The following ACACA variants were observed in gnomAD, a reference collection of about 807,000 sequenced individuals.
ACACA encodes the protein acetyl-CoA carboxylase 1.
In ACACA, 103 loss-of-function variants were observed where a neutral mutation model predicts 296.1. The ratio of observed to expected loss-of-function variants is 0.35; its 90% CI spans 0.30 to 0.41. The LOEUF (loss-of-function observed/expected upper bound fraction) is 0.41. Among genes scored for constraint, ACACA ranks in the 10% least tolerant of loss-of-function variants. The probability of loss-of-function intolerance (pLI) is 1.00; values close to 1 mark genes in which losing one functional copy is unlikely to be tolerated. For missense variants in ACACA, 1,554 were observed against 2,989.7 expected (o/e 0.52, Z 11.20); for synonymous variants, 953 against 1,038.6 (o/e 0.92, Z 1.58).
intron 36 of ACACA, 137 bp downstream of exon 36, chr17:37,193,237 A>G (rs2077836599): frequency 1.4e-6 from 1 of 691,856 alleles, no homozygotes; most frequent in Non-Finnish European, 2.5e-6. Flanking sequence ...TCTAAGACAC[A>G]TGTAAGGCAA....
chr17:37,343,218 T>C (rs1295343564), intron 1 of ACACA, among the ~76,000 whole-genome samples: 1 of 151,984 alleles, frequency 6.6e-6, no homozygotes, highest in Non-Finnish European at 1.5e-5. Flanking sequence ...TATCAGGTGA[T>C]CCACCTGCCT....
chr17:37,399,470 A>G (rs1025870323), intron 1 of ACACA, among the ~76,000 whole-genome samples: 6 of 152,188 alleles, frequency 3.9e-5, no homozygotes, highest in African/African-American at 1.4e-4. Context: ...ATAATTTAGG[A>G]GCCTGTTTTG....
At position 37,149,917 on chromosome 17, in the gene ACACA, T is replaced by C. The variant is rs1030043441; in HGVS notation, c.5626A>G (p.Ile1876Val). 6.2e-6 allele frequency: 10 copies of C among 1,614,134 alleles called. No individual in the cohort carries two copies. Among genetic ancestry groups the C allele is most frequent in the Non-Finnish European group, 7.6e-6 (9 of 1,180,044 alleles). The part of the protein sequence containing the change: ...AYLVRLGQRT[I>V]QVENSHLILT... ...ATTAAGTGAGAATTCTCAACCTGGA[T>C]GGTTCTCTGTCCCAGCCGGACAAGG... Residue 1876 changes from isoleucine (I) to valine (V), a missense_variant, in exon 45 of 56, where the codon ATC (isoleucine) becomes GTC (valine). Coordinates refer to ENST00000616317, the MANE Select transcript of ACACA (RefSeq NM_198834.3).
chr17:37,212,912 A>T (rs1327776650), intron 29 of ACACA, among the ~76,000 whole-genome samples: 2 of 151,894 alleles, frequency 1.3e-5, no homozygotes, highest in Non-Finnish European at 2.9e-5. Context: ...ACCAAAAAAA[A>T]AAAAAAGCCA....
intron 1 of ACACA, among the ~76,000 whole-genome samples, chr17:37,361,549 G>A (rs1476303544): frequency 2.6e-5 from 4 of 152,186 alleles, no homozygotes; most frequent in East Asian, 1.9e-4. Flanking sequence ...AGTAATTAAG[G>A]AAGGATGAGT....
At chr17:37,338,010 TGGCGTGAACCCAGGG>T (rs1303748283) in intron 2 of ACACA, among the ~76,000 whole-genome samples, 3 of 151,536 alleles carry the variant, frequency 2.0e-5, no homozygotes, top group African/African-American at 7.3e-5. Context: ...GGCAGGAGTA[TGGCGTGAACCCAGGG>T]GGCGGAGCTT....
Position 37,245,159 on chromosome 17 carries a change from A to G in ACACA, c.2516T>C (p.Val839Ala). 6.2e-7 allele frequency: 1 copy of G among 1,614,192 alleles called. No individual in the cohort carries two copies. The highest frequency in any genetic ancestry group is 8.5e-7 in the Non-Finnish European group (1 of 1,180,024). Residue 839 changes from valine (V) to alanine (A), a missense_variant, in exon 20 of 56, where the codon GTC becomes GCC. Val to Ala is a moderately conservative substitution (Grantham distance 64, BLOSUM62 0). Coordinates refer to ENST00000616317, the MANE Select transcript of ACACA (RefSeq NM_198834.3). ...GTCAAGAGCTGCTCCAGGTCGCTTG[A>G]CGTAATGGATACAGCCAGACTCCAC... is the stretch of plus-strand genomic sequence containing the variant. ...TAVESGCIHY[V>A]KRPGAALDPG...
chr17:37,384,880 G>A (rs1365056443), intron 1 of ACACA, among the ~76,000 whole-genome samples: 1 of 152,180 alleles, frequency 6.6e-6, no homozygotes, highest in East Asian at 1.9e-4. Context: ...AGACATGGAA[G>A]AGTAATTTAG....
chr17:37,270,591 C>A lies in ACACA; in HGVS notation c.1119+160G>T, dbSNP rs2302801. Among the ~76,000 whole-genome samples the A allele has an allele frequency of 5.9e-4, 90 of 152,250 alleles. 1 individual carries two copies. In the East Asian group the frequency reaches 0.012, roughly 21 times the overall value. Reference sequence around the variant, plus strand: ...GTTGGACATTTCATTAACCTTTTTTCTCTGCTAATATGCAGGTAGAAACTA... The same window carrying A: ...GTTGGACATTTCATTAACCTTTTTTATCTGCTAATATGCAGGTAGAAACTA... On this transcript the variant is annotated intron_variant, in intron 10 of 55. Coordinates refer to ENST00000616317, the MANE Select transcript of ACACA (RefSeq NM_198834.3).
rs745794412 is a variant in ACACA at position 37,216,125 on chromosome 17, AACACACAC to A, written c.3683+5591_3683+5598del. On this transcript the variant is annotated intron_variant, in intron 29 of 55. Coordinates refer to ENST00000616317, the MANE Select transcript of ACACA (RefSeq NM_198834.3). ...TTAATGCTAAGAAGGTAAAAAAGGA[AACACACAC>A]ACACACACACACACACACACACACA... Among the ~76,000 whole-genome samples, 73 of 124,568 alleles carry A rather than the reference AACACACAC, an allele frequency of 5.9e-4. 1 individual carries two copies. The highest frequency in any genetic ancestry group is 3.5e-3 in the Admixed American group (42 of 11,874). 81.7% of individuals were successfully genotyped at this position (124,568 alleles called of 152,430 possible). A position where few individuals can be genotyped will look rare whatever the true frequency, so the allele number is the denominator to read the frequency against.
chr17:37,175,943 C>T (rs563241158), intron 41 of ACACA, among the ~76,000 whole-genome samples: 3 of 152,326 alleles, frequency 2.0e-5, no homozygotes, highest in East Asian at 3.9e-4. Flanking sequence ...GCTCTAAACA[C>T]AGGCATAAAT....
chr17:37,363,929 C>A (rs1285571104), intron 1 of ACACA, among the ~76,000 whole-genome samples: 1 of 151,700 alleles, frequency 6.6e-6, no homozygotes, highest in African/African-American at 2.4e-5. Flanking sequence ...TCAAGACTAG[C>A]CTGGCCAATA....
chr17:37,308,076 A>G (rs2083964647), intron 3 of ACACA, among the ~76,000 whole-genome samples: 1 of 152,196 alleles, frequency 6.6e-6, no homozygotes, highest in Non-Finnish European at 1.5e-5. Flanking sequence ...AATAGACCAT[A>G]TACTAAGCCA....
intron 1 of ACACA, among the ~76,000 whole-genome samples, chr17:37,359,435 CG>C (rs1189544962): frequency 2.6e-5 from 4 of 151,766 alleles, no homozygotes; most frequent in Non-Finnish European, 5.9e-5. Flanking sequence ...GGGCCGCGGG[CG>C]GGCCCTGGGC....
At position 37,097,192 on chromosome 17, in the gene ACACA, G is replaced by C; in HGVS notation, c.6721-26C>G. The C allele has an allele frequency of 6.2e-7, 1 of 1,609,780 alleles. No homozygotes were observed. ...CTACATGCAGAGAAGAATAAACTTA[G>C]CCCAGTCCTAATTCCTGCTTAATGC... On this transcript the variant is annotated intron_variant, in intron 53 of 55. Coordinates refer to ENST00000616317, the MANE Select transcript of ACACA (RefSeq NM_198834.3). The surrounding 1 kb of genome is among the most constrained non-coding windows in gnomAD (Gnocchi z 4.8).
In ACACA at chr17:37,086,123, A is replaced by C. The variant is rs1057479453; in HGVS notation, c.*1193T>G. On this transcript the variant is annotated 3_prime_UTR_variant, in exon 56 of 56. Coordinates refer to ENST00000616317, the MANE Select transcript of ACACA (RefSeq NM_198834.3). ...TGTAAATAATCTTAAGGTCATGTGG[A>C]TTCTGTGTTTCCTGGAAGCCTCCCT... The C allele has an allele frequency of 4.1e-6, 1 of 245,908 alleles. No individual in the cohort carries two copies. Among genetic ancestry groups the C allele is most frequent in the African/African-American group, 2.2e-5 (1 of 44,868 alleles). 15.2% of individuals were successfully genotyped at this position (245,908 alleles called of 1,614,324 possible).
At chr17:37,201,456 A>C (rs912757362) in intron 33 of ACACA, among the ~76,000 whole-genome samples, 1 of 151,932 alleles carries the variant, frequency 6.6e-6, no homozygotes, top group African/African-American at 2.4e-5. Flanking sequence ...AAGTCAACAG[A>C]CACCAGTAGT....
intron 11 of ACACA, among the ~76,000 whole-genome samples, chr17:37,263,160 T>C (rs536328151): frequency 6.6e-6 from 1 of 152,348 alleles, no homozygotes; most frequent in Non-Finnish European, 1.5e-5. Context: ...ATGTAGAGAC[T>C]GGGTTAGGAC....
At chr17:37,205,994 GC>G in intron 32 of ACACA, 122 bp from the exon 33 acceptor site, 1 of 840,920 alleles carries the variant, frequency 1.2e-6, no homozygotes, top group Non-Finnish European at 2.0e-6. Flanking sequence ...ATTTTGGTTT[GC>G]CCAGCAGTAG....
Sources: gnomAD v4.1 joint callset for allele counts (sites outside exome capture counted in the v4.1 genomes callset) on GRCh38, gnomAD v4.1.1 for gene constraint, Gnocchi (gnomAD v3.1) non-coding constraint, MANE v1.5 for transcripts, NCBI Gene and HGNC (gene_info 2026-07-23, HGNC 2026-07-21) for gene names.